SERPINA12: variants seen among roughly 807,000 people sequenced by gnomAD.
SERPINA12 encodes the protein serpin family A member 12, also known as serpin A12.
In SERPINA12, 21 loss-of-function variants were observed where a neutral mutation model predicts 25.9. The ratio of observed to expected loss-of-function variants is 0.81; its 90% CI spans 0.58 to 1.17. The LOEUF (loss-of-function observed/expected upper bound fraction) is 1.17. Among genes scored for constraint, SERPINA12 ranks in the 50% most tolerant of loss-of-function variants. The pLI is 0.00. For missense variants in SERPINA12, 562 were observed against 508.3 expected, an observed-to-expected ratio of 1.11 and a Z score of -1.02; for synonymous variants, 220 against 196.0, an observed-to-expected ratio of 1.12 and a Z score of -1.02.
intron 3 of SERPINA12, among the ~76,000 whole-genome samples, chr14:94,495,065 T>TTTA (rs1491221762): frequency 4.7e-5 from 1 of 21,144 alleles, no homozygotes; most frequent in African/African-American, 1.2e-4. Context: ...TTTCCCTTTC[T>TTTA]TTTTTTTTTT....
rs1423558115 is a variant in SERPINA12 at position 94,487,432 on chromosome 14, T to C, written c.1116A>G (p.Gly372=). ...GTGTCTCCATGGGCAGAGTCTGTGC[T>C]CCGGTGCCAGCGGCCCCTTCCGTAC... ...ERGTEGAAGT[G]AQTLPMETPL... Residue 372 remains glycine, a synonymous_variant, in exon 5 of 5, where the codon GGA becomes GGG. Coordinates refer to ENST00000677451, the MANE Select transcript of SERPINA12 (RefSeq NM_001382267.1). The C allele has an allele frequency of 6.2e-7, 1 of 1,614,070 alleles. No individual in the cohort carries two copies. The highest frequency in any genetic ancestry group is 8.5e-7 in the Non-Finnish European group (1 of 1,180,008).
At chr14:94,502,995 G>A (rs1566813277) in intron 1 of SERPINA12, among the ~76,000 whole-genome samples, 1 of 152,146 alleles carries the variant, frequency 6.6e-6, no homozygotes, top group African/African-American at 2.4e-5. Context: ...TCTTTGGGCT[G>A]AGAAATCTGA....
intron 1 of SERPINA12, chr14:94,500,882 T>C: frequency 1.0e-6 from 1 of 985,262 alleles, no homozygotes; most frequent in Non-Finnish European, 1.2e-6. Context: ...CAGATACATA[T>C]TTTTTAAAAC....
At chr14:94,507,233 T>A (rs1460358854) in intron 1 of SERPINA12, among the ~76,000 whole-genome samples, 1 of 152,258 alleles carries the variant, frequency 6.6e-6, no homozygotes, top group Non-Finnish European at 1.5e-5. Flanking sequence ...CTTTAATATT[T>A]TTTAACCTCA....
chr14:94,495,984 A>G (rs1436112038), intron 3 of SERPINA12, among the ~76,000 whole-genome samples: 2 of 152,190 alleles, frequency 1.3e-5, no homozygotes, highest in Admixed American at 6.5e-5. Context: ...ACCACAGTTG[A>G]CAACATCATT....
upstream of SERPINA12, among the ~76,000 whole-genome samples, chr14:94,512,354 A>G (rs907653603): frequency 1.3e-5 from 2 of 152,194 alleles, no homozygotes; most frequent in African/African-American, 4.8e-5. Flanking sequence ...CATCTGCCCA[A>G]TGGGACTACT....
rs776371994 is a variant in SERPINA12 at position 94,498,141 on chromosome 14, A to G, written c.257T>C (p.Leu86Pro). The change falls in exon 2 of 5, where the codon CTG becomes CCG. Residue 86 changes from leucine (L) to proline (P), a missense_variant. Physicochemically the swap from Leu to Pro is moderately conservative, Grantham distance 98 (BLOSUM62 -3). Transcript: ENST00000677451. Reference protein sequence around the residue: ...PLSISTAFSMLCLGAQDSTLD... With the variant: ...PLSISTAFSMPCLGAQDSTLD... ...GGTGCTGTCCTGGGCACCCAGGCAC[A>G]GCATGGAGAAAGCTGTAGAGATGCT... is the stretch of plus-strand genomic sequence containing the variant. 6.2e-6 allele frequency: 10 copies of G among 1,614,192 alleles called. No individual in the cohort carries two copies. The highest frequency in any genetic ancestry group is 8.5e-6 in the Non-Finnish European group (10 of 1,180,032).
intron 1 of SERPINA12, among the ~76,000 whole-genome samples, chr14:94,516,604 C>A (rs186731757): frequency 6.7e-4 from 102 of 152,214 alleles, no homozygotes; most frequent in Non-Finnish European, 1.2e-3. Flanking sequence ...CCAGAAATAC[C>A]TTTCTCTCGT....
At chr14:94,489,254 GAGAA>G (rs1316756396) in intron 4 of SERPINA12, among the ~76,000 whole-genome samples, 2 of 151,692 alleles carry the variant, frequency 1.3e-5, no homozygotes, top group East Asian at 1.9e-4. Context: ...GAGAGAAAGA[GAGAA>G]AGAAAGAGAA....
intron 2 of SERPINA12, among the ~76,000 whole-genome samples, chr14:94,497,301 T>G (rs1049288275): frequency 2.0e-5 from 3 of 152,208 alleles, no homozygotes; most frequent in African/African-American, 7.2e-5. Context: ...GTGATCACCA[T>G]CACCATAATC....
At chr14:94,498,996 G>T (rs1410254823) in intron 1 of SERPINA12, among the ~76,000 whole-genome samples, 1 of 152,210 alleles carries the variant, frequency 6.6e-6, no homozygotes, top group African/African-American at 2.4e-5. Context: ...TGACACATCT[G>T]ATGACATCTT....
chr14:94,497,806 G>A lies in SERPINA12; in HGVS notation c.592C>T (p.Pro198Ser). The change falls in exon 2 of 5, where the codon CCC (proline) becomes TCC (serine). Residue 198 changes from proline (P) to serine (S), a missense_variant. Transcript: ENST00000677451. ...KINNLIENID[P>S]GTVMLLANYI... ...TTTGCAAGAAGCATCACAGTGCCGG[G>A]GTCTATATTCTCGATCAGGTTGTTA... The A allele has an allele frequency of 6.2e-7, 1 of 1,613,544 alleles. No homozygotes were observed. Among genetic ancestry groups the A allele is most frequent in the Non-Finnish European group, 8.5e-7 (1 of 1,179,822 alleles).
In SERPINA12 at chr14:94,496,376, C is replaced by T. The variant is rs375255133; in HGVS notation, c.902G>A (p.Arg301His). Residue 301 changes from arginine to histidine, a missense_variant, in exon 3 of 5, where the codon CGC (arginine) becomes CAC (histidine). Transcript: ENST00000677451. ...TFSRWKTLLS[R>H]RVVDVSVPRL... ...GAGGGCTAGGCACCCACTTTACCTG[C>T]GTGACAGTAATGTTTTCCATCTGGA... The T allele has an allele frequency of 1.8e-4, 293 of 1,614,134 alleles. 1 individual carries two copies. In the South Asian group the frequency reaches 2.3e-3, roughly 13 times the overall value.
Position 94,496,546 on chromosome 14 carries a change from A to G in SERPINA12, c.732T>C (p.Ser244=). Residue 244 remains serine, a synonymous_variant, in exon 3 of 5, where the codon AGT becomes AGC. Coordinates refer to ENST00000677451, the MANE Select transcript of SERPINA12 (RefSeq NM_001382267.1). ...CGTCATAGCCAACTTGGTATATGCC[A>G]CTACGGAACATCATGGGCACCTTGA... is the stretch of plus-strand genomic sequence containing the variant. ...SSVKVPMMFR[S]GIYQVGYDDK... 1.2e-6 allele frequency: 2 copies of G among 1,614,120 alleles called. No homozygotes were observed. The highest frequency in any genetic ancestry group is 1.7e-6 in the Non-Finnish European group (2 of 1,179,998).
rs1358327830 is a variant in SERPINA12 at position 94,497,757 on chromosome 14, G to C, written c.634+7C>G. 1 of 1,595,054 alleles carries C rather than the reference G, an allele frequency of 6.3e-7. No homozygotes were observed. Among genetic ancestry groups the C allele is most frequent in the Admixed American group, 1.7e-5 (1 of 57,350 alleles). On this transcript the variant is annotated splice_region_variant and intron_variant, in intron 2 of 4. Coordinates refer to ENST00000677451, the MANE Select transcript of SERPINA12 (RefSeq NM_001382267.1). ...TTCTTTCCACACCAACATGCCAAAA[G>C]CCTTACCTCGAAAGAAAATATAATT...
upstream of SERPINA12, among the ~76,000 whole-genome samples, chr14:94,513,019 T>C (rs1408522558): frequency 6.6e-6 from 1 of 152,230 alleles, no homozygotes; most frequent in Non-Finnish European, 1.5e-5. Context: ...CTCAAGCCAC[T>C]AGCATAAGAA....
chr14:94,489,557 T>A (rs1487787296), intron 4 of SERPINA12, 63 bp downstream of exon 4: 1 of 1,568,496 alleles, frequency 6.4e-7, no homozygotes, highest in Non-Finnish European at 8.7e-7. Context: ...ACCCTGGCTC[T>A]GGCCCCGGCT....
intron 1 of SERPINA12, among the ~76,000 whole-genome samples, chr14:94,499,108 G>A (rs1566810973): frequency 6.6e-6 from 1 of 152,128 alleles, no homozygotes. Flanking sequence ...CTGGTTTGAG[G>A]TAAATTTTTC....
Position 94,497,780 on chromosome 14 carries a change from A to C in SERPINA12, c.618T>G (p.Asn206Lys), listed in dbSNP as rs1253532189. 6.2e-7 allele frequency: 1 copy of C among 1,603,786 alleles called. No individual in the cohort carries two copies. The highest frequency in any genetic ancestry group is 1.3e-5 in the African/African-American group (1 of 74,170). ...AAGCCTTACCTCGAAAGAAAATATA[A>C]TTTGCAAGAAGCATCACAGTGCCGG... Reference protein sequence around the residue: ...IDPGTVMLLANYIFFRARWKH... With the variant: ...IDPGTVMLLAKYIFFRARWKH... The change falls in exon 2 of 5, where the codon AAT becomes AAG. Residue 206 changes from asparagine (N) to lysine (K), a missense_variant. By Grantham distance (94) the Asn-to-Lys change is moderately conservative. Transcript: ENST00000677451.
Sources: allele counts gnomAD v4.1 joint callset (sites outside exome capture counted in the v4.1 genomes callset), GRCh38; gene constraint gnomAD v4.1.1; transcripts MANE v1.5; gene names NCBI Gene and HGNC (gene_info 2026-07-23, HGNC 2026-07-21).